Variants in KLC1 observed in about 807,000 individuals in gnomAD.
KLC1 encodes kinesin light chain 1.
A neutral mutation model predicts 84.2 loss-of-function variants in KLC1; 30 were observed. That is an observed-to-expected ratio of 0.36 (90% CI 0.27 to 0.48). The LOEUF is 0.48. Ranked by LOEUF, KLC1 falls within the 20% of genes least tolerant of loss-of-function variation. The pLI is 0.99. For synonymous variants in KLC1, 289 were observed against 293.3 expected (o/e 0.99, Z 0.15); for missense variants, 499 against 805.4 (o/e 0.62, Z 4.60).
intron 5 of KLC1, 39 bp from the exon 6 acceptor site, chr14:103,669,472 T>C (rs761197248): frequency 9.5e-7 from 1 of 1,055,644 alleles, no homozygotes; most frequent in South Asian, 1.4e-5. Flanking sequence ...GCTGTAGTGA[T>C]CTACATCTGA....
chr14:103,657,825 C>T, intron 3 of KLC1, 49 bp downstream of exon 3: 1 of 1,349,176 alleles, frequency 7.4e-7, no homozygotes. Context: ...AATGGAGTCA[C>T]TGGGAAAGTC....
At position 103,679,481 on chromosome 14, in the gene KLC1, T is replaced by C. The variant is rs148914953; in HGVS notation, c.1586T>C (p.Val529Ala). ...AGCCGTGAGAGCCTCAACGTGGACG[T>C]GGTCAAGTACGAGAGTGGCCCTGAC... ...RRSRESLNVD[V>A]VKYESGPDGG... is the part of the protein sequence containing the mutation. The change falls in exon 13 of 17, where the codon GTG (valine) becomes GCG (alanine). Residue 529 changes from valine to alanine, a missense_variant. Val to Ala is a moderately conservative substitution (Grantham distance 64). Around this residue, in one of 3 missense-constraint regions of KLC1, gnomAD observed 167 missense variants for 208.8 expected, o/e 0.80. Coordinates refer to ENST00000334553, the MANE Select transcript of KLC1 (RefSeq NM_001394837.1). 7.2e-5 allele frequency: 116 copies of C among 1,614,072 alleles called. No homozygotes were observed. In the African/African-American group the frequency reaches 1.5e-3, roughly 20 times the overall value.
intron 9 of KLC1, 58 bp downstream of exon 9, chr14:103,673,489 TA>T: frequency 6.1e-5 from 63 of 1,029,736 alleles, no homozygotes; most frequent in Non-Finnish European, 8.3e-5. Context: ...TGACTAATAG[TA>T]ATATACTAAT....
intron 14 of KLC1, 88 bp downstream of exon 14, chr14:103,687,299 C>A: frequency 7.6e-7 from 1 of 1,321,052 alleles, no homozygotes; most frequent in Non-Finnish European, 1.0e-6. Context: ...CACCCACAGA[C>A]TTGAGGAAAG....
intron 1 of KLC1, among the ~76,000 whole-genome samples, chr14:103,630,407 AG>A (rs2076583496): frequency 1.3e-5 from 2 of 152,218 alleles, no homozygotes; most frequent in African/African-American, 4.8e-5. Flanking sequence ...GCGTTTGAAA[AG>A]GAATACTTAC....
chr14:103,672,515 G>C (rs1420805596), intron 7 of KLC1, among the ~76,000 whole-genome samples: 1 of 152,158 alleles, frequency 6.6e-6, no homozygotes, highest in African/African-American at 2.4e-5. Flanking sequence ...GAGTTCACTA[G>C]GTGAGGTGGG....
At chr14:103,699,467 T>C in intron 15 of KLC1, 1 of 1,612,756 alleles carries the variant, frequency 6.2e-7, no homozygotes, top group Non-Finnish European at 8.5e-7. Context: ...GGCCTGGCTG[T>C]CAAATTCACA....
intron 5 of KLC1, among the ~76,000 whole-genome samples, chr14:103,664,225 C>T (rs2079552011): frequency 6.6e-6 from 1 of 152,180 alleles, no homozygotes; most frequent in Non-Finnish European, 1.5e-5. Context: ...AATCTCAGCT[C>T]ACCGCAACCT....
At chr14:103,640,427 C>G (rs1438672191) in intron 1 of KLC1, among the ~76,000 whole-genome samples, 2 of 150,852 alleles carry the variant, frequency 1.3e-5, no homozygotes, top group Admixed American at 1.3e-4. Context: ...GTGGCGCGAT[C>G]TCTGCTCACT....
At chr14:103,697,261 T>C (rs1394660529) in intron 15 of KLC1, 1 of 336,248 alleles carries the variant, frequency 3.0e-6, no homozygotes, top group Admixed American at 6.4e-5. Context: ...TAGAGAGCCT[T>C]GATAACATGA....
At chr14:103,685,132 C>T in intron 13 of KLC1, 1 of 1,477,796 alleles carries the variant, frequency 6.8e-7, no homozygotes, top group South Asian at 1.3e-5. Context: ...GCATTGCTGC[C>T]TGTGGAAATT....
chr14:103,699,325 A>C, intron 15 of KLC1: 1 of 1,563,634 alleles, frequency 6.4e-7, no homozygotes, highest in Non-Finnish European at 8.7e-7. Flanking sequence ...CCTGGCTAAA[A>C]ATACGAGCTC....
chr14:103,690,632 G>A (rs1165179029), intron 14 of KLC1, among the ~76,000 whole-genome samples: 1 of 18,898 alleles, frequency 5.3e-5, no homozygotes, highest in African/African-American at 8.4e-5. Flanking sequence ...GCTCATGTTC[G>A]CTGTCCCATG....
At chr14:103,696,107 C>A (rs1005630155) in intron 15 of KLC1, 2 of 765,300 alleles carry the variant, frequency 2.6e-6, no homozygotes, top group African/African-American at 2.0e-5. Flanking sequence ...CGCCCCCCGC[C>A]CCCCCCCACA....
Position 103,632,855 on chromosome 14 carries a change from C to G in KLC1, c.-2+3361C>G, listed in dbSNP as rs573435856. Among the ~76,000 whole-genome samples, 47 of 152,150 alleles carry G rather than the reference C, an allele frequency of 3.1e-4. No homozygotes were observed. In the South Asian group the frequency reaches 9.3e-3, roughly 30 times the overall value. On this transcript the variant is annotated intron_variant, in intron 1 of 16. Coordinates refer to ENST00000334553, the MANE Select transcript of KLC1 (RefSeq NM_001394837.1). ...GCGATTCTTCACAAAAGAAAAGTAC[C>G]AATCAGCCAGTGTCAGGGGGTCAGG...
intron 3 of KLC1, among the ~76,000 whole-genome samples, chr14:103,658,286 A>T (rs2151527358): frequency 6.6e-6 from 1 of 152,120 alleles, no homozygotes; most frequent in South Asian, 2.1e-4. Context: ...TTTTACAAGG[A>T]GTCTCGCTCT....
chr14:103,640,752 A>G (rs1002582969), intron 1 of KLC1, among the ~76,000 whole-genome samples: 6 of 151,424 alleles, frequency 4.0e-5, no homozygotes, highest in Non-Finnish European at 7.4e-5. Context: ...TGTAGATTTG[A>G]AAATAAACTT....
At position 103,701,251 on chromosome 14, in the gene KLC1, A is replaced by T. The variant is rs949553381; in HGVS notation, c.*52A>T. 4 of 1,544,086 alleles carry T rather than the reference A, an allele frequency of 2.6e-6. No homozygotes were observed. In the African/African-American group the frequency reaches 5.5e-5, roughly 21 times the overall value. Reference sequence around the variant, plus strand: ...GATGGGACTGCCGAGTGTGGCCCGGAGCTGGCCCGGGACAGCCAGGGCGGC... The same window carrying T: ...GATGGGACTGCCGAGTGTGGCCCGGTGCTGGCCCGGGACAGCCAGGGCGGC... On this transcript the variant is annotated 3_prime_UTR_variant, in exon 17 of 17. Transcript: ENST00000334553.
chr14:103,655,767 C>T (rs927703680), intron 2 of KLC1, among the ~76,000 whole-genome samples: 7 of 152,154 alleles, frequency 4.6e-5, no homozygotes, highest in Non-Finnish European at 1.5e-5. Flanking sequence ...TACCACCATT[C>T]CTGGCTAATT....
Sources: gnomAD v4.1 joint callset for allele counts (sites outside exome capture counted in the v4.1 genomes callset) on GRCh38, gnomAD v4.1.1 for gene constraint, gnomAD v4.1.1 regional missense constraint, MANE v1.5 for transcripts, NCBI Gene and HGNC (gene_info 2026-07-23, HGNC 2026-07-21) for gene names.